Variants in AGMAT observed in about 807,000 individuals in gnomAD.
The protein encoded by AGMAT is agmatinase (putative).
AGMAT carries 37 observed loss-of-function variants against 29.3 expected under a neutral mutation model. The observed-to-expected ratio is 1.26, with a 90% CI of 0.97 to 1.66. The LOEUF is 1.66. Ranked by LOEUF, AGMAT falls within the 40% of genes most tolerant of loss-of-function variation. The pLI is 0.00. For missense variants in AGMAT, 498 were observed against 497.8 expected (o/e 1.00, Z 0.00); for synonymous variants, 199 against 200.8 (o/e 0.99, Z 0.08).
intron 2 of AGMAT, among the ~76,000 whole-genome samples, chr1:15,582,222 T>G (rs1639125251): frequency 6.6e-6 from 1 of 150,512 alleles, no homozygotes; most frequent in Non-Finnish European, 1.5e-5. Context: ...GCCGAGATCG[T>G]GCCATTGCAC....
At chr1:15,582,603 A>T (rs1189277054) in intron 2 of AGMAT, among the ~76,000 whole-genome samples, 1 of 152,194 alleles carries the variant, frequency 6.6e-6, no homozygotes, top group Non-Finnish European at 1.5e-5. Context: ...AGAGTGGGTC[A>T]GGGGTGAGGA....
At chr1:15,577,584 C>A in intron 5 of AGMAT, 101 bp downstream of exon 5, 1 of 1,316,702 alleles carries the variant, frequency 7.6e-7, no homozygotes, top group East Asian at 2.3e-5. Context: ...AACAAACAAA[C>A]AAAAATCCTA....
At chr1:15,577,487 C>T (rs1329504944) in intron 5 of AGMAT, among the ~76,000 whole-genome samples, 198 bp downstream of exon 5, 1 of 152,122 alleles carries the variant, frequency 6.6e-6, no homozygotes, top group Non-Finnish European at 1.5e-5. Flanking sequence ...GCAGGAGAAT[C>T]GCTTGAACCT....
At position 15,583,414 on chromosome 1, in the gene AGMAT, T is replaced by C. The variant is rs770334027; in HGVS notation, c.273-19A>G. On this transcript the variant is annotated intron_variant, in intron 1 of 6. Transcript: ENST00000375826. ...TCCGAATCTGCAGAAGGAAGAATCA[T>C]CCTGTCAGCCATCATCTGCAGAGAT... 1.2e-6 allele frequency: 2 copies of C among 1,601,538 alleles called. No homozygotes were observed. The highest frequency in any genetic ancestry group is 4.5e-5 in the East Asian group (2 of 44,408).
At chr1:15,584,581 C>G (rs1240344162) in intron 1 of AGMAT, 115 bp downstream of exon 1, 6 of 1,152,024 alleles carry the variant, frequency 5.2e-6, no homozygotes, top group Non-Finnish European at 5.5e-6. Context: ...GAGCCGGCCA[C>G]CAGCTTCCAA....
Position 15,573,623 on chromosome 1 carries a change from A to G in AGMAT, c.*28T>C. The G allele has an allele frequency of 1.9e-6, 3 of 1,608,344 alleles. No individual in the cohort carries two copies. Among genetic ancestry groups the G allele is most frequent in the Non-Finnish European group, 2.6e-6 (3 of 1,174,826 alleles). ...TTCTTGAGAACTTGTCAGCGACGCA[A>G]TCTGTTTTGTCTTGAAGAGCACAAG... On this transcript the variant is annotated 3_prime_UTR_variant, in exon 7 of 7. Transcript: ENST00000375826.
In AGMAT at chr1:15,585,048, G is replaced by C. The variant is rs1229907374; in HGVS notation, c.-81C>G. The C allele has an allele frequency of 2.4e-6, 3 of 1,254,170 alleles. No individual in the cohort carries two copies. The highest frequency in any genetic ancestry group is 2.0e-6 in the Non-Finnish European group (2 of 999,724). 77.7% of individuals were successfully genotyped at this position (1,254,170 alleles called of 1,614,324 possible). A position where few individuals can be genotyped will look rare whatever the true frequency, so the allele number is the denominator to read the frequency against. ...TGGCTGGTCCCGAACGGCGAGGCGA[G>C]TGTGCACGCGCCAGAGCCGGAACCC... On this transcript the variant is annotated 5_prime_UTR_variant, in exon 1 of 7. Transcript: ENST00000375826.
intron 1 of AGMAT, among the ~76,000 whole-genome samples, chr1:15,583,661 G>A (rs1446900362): frequency 6.6e-6 from 1 of 152,174 alleles, no homozygotes; most frequent in African/African-American, 2.4e-5. Context: ...CACCGATCTA[G>A]GCTATGTATC....
intron 6 of AGMAT, among the ~76,000 whole-genome samples, chr1:15,574,350 G>T (rs1204435638): frequency 2.0e-5 from 3 of 150,868 alleles, no homozygotes; most frequent in Non-Finnish European, 2.9e-5. Flanking sequence ...ATGCTCAGCT[G>T]CTTCCCCAAG....
intron 3 of AGMAT, 51 bp from the exon 4 acceptor site, chr1:15,579,105 C>A: frequency 6.4e-7 from 1 of 1,568,512 alleles, no homozygotes; most frequent in Admixed American, 1.8e-5. Context: ...GGGGCCCTAG[C>A]ACAGCCACCC....
Position 15,578,933 on chromosome 1 carries a change from A to G in AGMAT, c.646T>C (p.Cys216Arg), listed in dbSNP as rs535665435. 32 of 1,614,170 alleles carry G rather than the reference A, an allele frequency of 2.0e-5. No homozygotes were observed. The South Asian group carries it at 3.2e-4, about 16-fold the overall frequency. The change falls in exon 4 of 7, where the codon TGT becomes CGT. Residue 216 changes from cysteine (C) to arginine (R), a missense_variant. Coordinates refer to ENST00000375826, the MANE Select transcript of AGMAT (RefSeq NM_024758.5). ...ATGCCAATCTGCACCACACGCTTAC[A>G]GTCCAGGAGACCCTCATCCACACAC... ...RRCVDEGLLDCKRVVQIGIRG... is the reference protein window; with the variant it reads ...RRCVDEGLLDRKRVVQIGIRG...
chr1:15,584,125 G>T (rs1017579850), intron 1 of AGMAT, among the ~76,000 whole-genome samples: 1 of 152,136 alleles, frequency 6.6e-6, no homozygotes, highest in African/African-American at 2.4e-5. Flanking sequence ...CACAGAGAAG[G>T]TTCAGGCTCC....
rs778483564 is a variant in AGMAT, at chr1:15,583,281, G to A, written c.387C>T (p.Val129=). 1.2e-6 allele frequency: 2 copies of A among 1,614,184 alleles called. No homozygotes were observed. Among genetic ancestry groups the A allele is most frequent in the Non-Finnish European group, 8.5e-7 (1 of 1,180,034 alleles). ...LMVADLGDVN[V]NLYNLQDSCR... ...AGCTGTCCTGAAGGTTGTAAAGATT[G>A]ACATTCACATCGCCTAGGTCTGCAA... is the stretch of plus-strand genomic sequence containing the variant. The change falls in exon 2 of 7, where the codon GTC becomes GTT. Residue 129 remains valine, a synonymous_variant. Transcript: ENST00000375826.
At chr1:15,582,880 C>T (rs902057548) in intron 2 of AGMAT, among the ~76,000 whole-genome samples, 4 of 152,044 alleles carry the variant, frequency 2.6e-5, no homozygotes, top group African/African-American at 7.2e-5. Flanking sequence ...CGCCTGTAAT[C>T]CCAGCTACTT....
rs758187940 is a variant in AGMAT, at chr1:15,577,714, G to T, written c.871C>A (p.Pro291Thr). Residue 291 changes from proline to threonine, a missense_variant, in exon 5 of 7, where the codon CCT (proline) becomes ACT (threonine). Coordinates refer to ENST00000375826, the MANE Select transcript of AGMAT (RefSeq NM_024758.5). ...CTAGGAGTGAGACCAGCAATTTCAG[G>T]TGTCCCTGTCCCTGGCGCATAGGCA... ...DPAYAPGTGT[P>T]EIAGLTPSQA... The T allele has an allele frequency of 6.2e-7, 1 of 1,613,946 alleles. No homozygotes were observed. The highest frequency in any genetic ancestry group is 1.7e-5 in the Admixed American group (1 of 59,996).
intron 5 of AGMAT, 115 bp downstream of exon 5, chr1:15,577,570 C>G: frequency 8.4e-7 from 1 of 1,196,100 alleles, no homozygotes; most frequent in Non-Finnish European, 1.2e-6. Flanking sequence ...GAGACTCCGT[C>G]TCAAACAAAC....
In AGMAT at chr1:15,572,145, A is replaced by AG. The variant is rs1389151667; in HGVS notation, c.*1505dup. Among the ~76,000 whole-genome samples, 16 of 111,248 alleles carry AG rather than the reference A, an allele frequency of 1.4e-4. No homozygotes were observed. Among genetic ancestry groups the AG allele is most frequent in the Admixed American group, 5.8e-4 (7 of 12,162 alleles). The allele number at this position is 111,248 out of a possible 152,430, so 73.0% of individuals were successfully genotyped here. A position where few individuals can be genotyped will look rare whatever the true frequency, so the allele number is the denominator to read the frequency against. ...GGGGGACAGAGCGAGACTCCATCTC[A>AG]GAAAAAAAAAAAAAAAAAAAAGCCC... On this transcript the variant is annotated 3_prime_UTR_variant, in exon 7 of 7. Transcript: ENST00000375826.
chr1:15,583,402 A>C lies in AGMAT; in HGVS notation c.273-7T>G. 6.2e-7 allele frequency: 1 copy of C among 1,608,218 alleles called. No individual in the cohort carries two copies. The highest frequency in any genetic ancestry group is 8.5e-7 in the Non-Finnish European group (1 of 1,177,462). ...GATGCGGCGAGGTCCGAATCTGCAG[A>C]AGGAAGAATCATCCTGTCAGCCATC... On this transcript the variant is annotated splice_polypyrimidine_tract_variant and splice_region_variant and intron_variant, in intron 1 of 6. Transcript: ENST00000375826.
intron 3 of AGMAT, 46 bp downstream of exon 3, chr1:15,580,048 T>A (rs1639090328): frequency 6.3e-7 from 1 of 1,579,904 alleles, no homozygotes; most frequent in East Asian, 2.2e-5. Flanking sequence ...ATTCCCTAGC[T>A]TCTGGCTTTT....
Sources: gnomAD v4.1 joint callset for allele counts (sites outside exome capture counted in the v4.1 genomes callset) on GRCh38, gnomAD v4.1.1 for gene constraint, MANE v1.5 for transcripts, NCBI Gene and HGNC (gene_info 2026-07-23, HGNC 2026-07-21) for gene names.